Variants in PBX1 observed in about 807,000 individuals in gnomAD.
PBX1 encodes the protein PBX homeobox 1.
Under a neutral mutation model 53.4 loss-of-function variants are expected in PBX1, and 6 were observed. The observed-to-expected ratio is 0.11, with a 90% confidence interval of 0.06 to 0.22. The LOEUF (loss-of-function observed/expected upper bound fraction) is 0.22, where lower values mean the gene tolerates loss of function less well. PBX1 is among the 10% of genes least tolerant of loss of function. The pLI is 1.00. For missense variants in PBX1, 251 were observed against 551.4 expected, an observed-to-expected ratio of 0.46 and a Z score of 5.46; for synonymous variants, 204 against 212.3, an observed-to-expected ratio of 0.96 and a Z score of 0.34.
In PBX1 at chr1:164,707,456, A is replaced by AG. The variant is rs1663501898; in HGVS notation, c.266-85038_266-85037insG. Among the ~76,000 whole-genome samples, 99 of 133,482 alleles carry AG rather than the reference A, an allele frequency of 7.4e-4. 1 individual carries two copies. Among genetic ancestry groups the AG allele is most frequent in the African/African-American group, 2.7e-3 (96 of 36,122 alleles). The allele number at this position is 133,482 out of a possible 152,430, so 87.6% of individuals were successfully genotyped here. ...GAGAGAGAGAGAGAGAGAGAGAGAG[A>AG]AAGTGCTGAATCCCCTGTAATCCTG... On this transcript the variant is annotated intron_variant, in intron 2 of 8. Coordinates refer to ENST00000420696, the MANE Select transcript of PBX1 (RefSeq NM_002585.4).
intron 8 of PBX1, among the ~76,000 whole-genome samples, chr1:164,845,535 T>G (rs1671528930): frequency 2.6e-5 from 4 of 152,236 alleles, no homozygotes; most frequent in African/African-American, 9.6e-5. Flanking sequence ...GAAAGGCATT[T>G]TAGCACACTT....
rs1173797656 is a variant in PBX1, at chr1:164,759,689, C to G, written c.266-32805C>G. Among the ~76,000 whole-genome samples, 4 of 152,148 alleles carry G rather than the reference C, an allele frequency of 2.6e-5. No homozygotes were observed. The East Asian group carries it at 7.7e-4, about 29-fold the overall frequency. ...CTTCTGAAGTGGTGAAGCCAAGCTG[C>G]AGCGAGGCAACCCTGGCACAGGTGG... On this transcript the variant is annotated intron_variant, in intron 2 of 8. Transcript: ENST00000420696.
chr1:164,796,024 T>TA (rs1668769350), intron 3 of PBX1, among the ~76,000 whole-genome samples: 1 of 151,818 alleles, frequency 6.6e-6, no homozygotes, highest in Admixed American at 6.6e-5. Flanking sequence ...AAGACATTTT[T>TA]TTTTTTTTTT....
At chr1:164,834,039 G>A (rs1319903309) in intron 8 of PBX1, among the ~76,000 whole-genome samples, 2 of 146,602 alleles carry the variant, frequency 1.4e-5, no homozygotes, top group African/African-American at 2.6e-5. Flanking sequence ...ATGTGTGTGT[G>A]TGTGTGTGTG....
chr1:164,757,049 GT>G (rs1280174466), intron 2 of PBX1, among the ~76,000 whole-genome samples: 1 of 152,018 alleles, frequency 6.6e-6, no homozygotes, highest in Non-Finnish European at 1.5e-5. Context: ...CTGGATTTTT[GT>G]TTTGTCAGGA....
intron 2 of PBX1, among the ~76,000 whole-genome samples, chr1:164,592,726 T>C (rs2101775227): frequency 1.3e-5 from 2 of 152,272 alleles, no homozygotes; most frequent in South Asian, 4.1e-4. Flanking sequence ...GGCTTATTGC[T>C]CCTCAGGCTT....
intron 2 of PBX1, among the ~76,000 whole-genome samples, chr1:164,615,354 C>T (rs1657203922): frequency 6.6e-6 from 1 of 152,084 alleles, no homozygotes; most frequent in South Asian, 2.1e-4. Context: ...ATAACTAAGT[C>T]ACTATCTTTT....
At chr1:164,594,417 A>G (rs1473377561) in intron 2 of PBX1, among the ~76,000 whole-genome samples, 1 of 151,950 alleles carries the variant, frequency 6.6e-6, no homozygotes, top group East Asian at 1.9e-4. Context: ...GCCTCAGCTT[A>G]CCGAGTAGCT....
chr1:164,702,109 C>T (rs983890136), intron 2 of PBX1, among the ~76,000 whole-genome samples: 2 of 151,998 alleles, frequency 1.3e-5, no homozygotes, highest in Non-Finnish European at 2.9e-5. Flanking sequence ...TAATTCCGTT[C>T]TGGGGGTTGC....
chr1:164,855,366 G>A (rs562177082), downstream of PBX1, among the ~76,000 whole-genome samples: 10 of 152,294 alleles, frequency 6.6e-5, no homozygotes, highest in South Asian at 1.2e-3. Context: ...AAGTAAAGTC[G>A]AAGGCCTGCC....
intron 2 of PBX1, among the ~76,000 whole-genome samples, chr1:164,718,987 C>G (rs574041801): frequency 6.6e-6 from 1 of 152,234 alleles, no homozygotes; most frequent in East Asian, 1.9e-4. Context: ...GAGGGGCTCA[C>G]CCTCAGGATC....
intron 8 of PBX1, among the ~76,000 whole-genome samples, chr1:164,823,440 G>A (rs1020161788): frequency 2.6e-5 from 4 of 152,134 alleles, no homozygotes; most frequent in Non-Finnish European, 5.9e-5. Context: ...AAGCAGAAGA[G>A]AAGAACATGA....
At chr1:164,727,497 C>T (rs989370643) in intron 2 of PBX1, among the ~76,000 whole-genome samples, 1 of 152,200 alleles carries the variant, frequency 6.6e-6, no homozygotes, top group Non-Finnish European at 1.5e-5. Flanking sequence ...TATGTCTTCT[C>T]TTTTGCCTCA....
At position 164,870,341 on chromosome 1, in the gene PBX1, CT is replaced by C. The variant is rs1166303866; in HGVS notation, n.258-28844del. Among the ~76,000 whole-genome samples, 1,000 of 103,972 alleles carry C rather than the reference CT, an allele frequency of 9.6e-3. 102 individuals carry two copies. The highest frequency in any genetic ancestry group is 0.02 in the Middle Eastern group (4 of 198). 68.2% of individuals were successfully genotyped at this position (103,972 alleles called of 152,430 possible). ...TCTTTCTTTCTTTCTTTCTTTCTTT[CT>C]TTCTTTCTTTCTTTCTTTCGAGATG... On this transcript the variant is annotated intron_variant and non_coding_transcript_variant, in intron 2 of 2. Transcript: ENST00000558796.
Position 164,847,057 on chromosome 1 carries a change from G to GTGTT in PBX1, c.*385_*388dup. ...AAAAATTACAAAGAAAATAATAAAA[G>GTGTT]TGTTTGTACGTTTTCATGCTGGTGG... On this transcript the variant is annotated 3_prime_UTR_variant, in exon 9 of 9. Transcript: ENST00000420696. The GTGTT allele has an allele frequency of 9.0e-7, 1 of 1,110,716 alleles. No individual in the cohort carries two copies. 68.8% of individuals were successfully genotyped at this position (1,110,716 alleles called of 1,614,324 possible). A position where few individuals can be genotyped will look rare whatever the true frequency, so the allele number is the denominator to read the frequency against.
At chr1:164,725,321 A>G (rs367831048) in intron 2 of PBX1, among the ~76,000 whole-genome samples, 109 of 152,180 alleles carry the variant, frequency 7.2e-4, no homozygotes, top group African/African-American at 2.4e-3. Flanking sequence ...CAGTATGTTT[A>G]TTTGTCCCTC....
intron 2 of PBX1, among the ~76,000 whole-genome samples, chr1:164,603,928 CATTTTTTTTTTTTTTTTTTTTT>C (rs1247743170): frequency 4.1e-5 from 2 of 48,734 alleles, no homozygotes; most frequent in Non-Finnish European, 7.3e-5. Flanking sequence ...TATGTCATTT[CATTTTTTTTTTTTTTTTTTTTT>C]TTTTTTTTTT....
chr1:164,782,150 G>C (rs924754679), intron 2 of PBX1, among the ~76,000 whole-genome samples: 11 of 152,248 alleles, frequency 7.2e-5, no homozygotes, highest in African/African-American at 2.6e-4. Context: ...CTCCCATCTG[G>C]CTTCTTTCCC....
At chr1:164,680,419 A>G (rs1054080985) in intron 2 of PBX1, 2 of 152,196 alleles carry the variant, frequency 1.3e-5, no homozygotes, top group Admixed American at 6.5e-5. Flanking sequence ...CAGTGGGTAC[A>G]CATACAGGTT....
Sources: gnomAD v4.1 joint callset for allele counts (sites outside exome capture counted in the v4.1 genomes callset) on GRCh38, gnomAD v4.1.1 for gene constraint, MANE v1.5 for transcripts, NCBI Gene and HGNC (gene_info 2026-07-23, HGNC 2026-07-21) for gene names.